The following MARCHF1 variants were observed in gnomAD, a reference collection of about 807,000 sequenced individuals.
The protein encoded by MARCHF1 is E3 ubiquitin-protein ligase MARCHF1.
MARCHF1 carries 40 observed loss-of-function variants against 54.2 expected under a neutral mutation model. The observed-to-expected ratio is 0.74, with a 90% CI of 0.57 to 0.96. MARCHF1 has a LOEUF of 0.96. Among genes scored for constraint, MARCHF1 ranks in the 40% least tolerant of loss-of-function variants. The pLI is 0.00. For synonymous variants in MARCHF1, 236 were observed against 236.3 expected (o/e 1.00, Z 0.01); for missense variants, 586 against 656.5 (o/e 0.89, Z 1.17).
chr4:164,158,438 C>T (rs1254190998), intron 1 of MARCHF1, among the ~76,000 whole-genome samples: 4 of 151,968 alleles, frequency 2.6e-5, no homozygotes, highest in Non-Finnish European at 5.9e-5. Context: ...GTCAGGAGTT[C>T]GAGACCAGCC....
chr4:164,145,422 A>G (rs922624888), intron 1 of MARCHF1, among the ~76,000 whole-genome samples: 4 of 152,108 alleles, frequency 2.6e-5, no homozygotes, highest in Admixed American at 6.5e-5. Flanking sequence ...AAAAATCCTC[A>G]GTATAATACT....
At chr4:163,983,833 G>C (rs1451659944) in intron 3 of MARCHF1, among the ~76,000 whole-genome samples, 1 of 152,076 alleles carries the variant, frequency 6.6e-6, no homozygotes, top group East Asian at 1.9e-4. Context: ...AAAAGGTTAA[G>C]TTGTCTTAAC....
intron 1 of MARCHF1, among the ~76,000 whole-genome samples, chr4:164,362,036 CTTCA>C (rs1730735528): frequency 6.6e-6 from 1 of 151,962 alleles, no homozygotes; most frequent in African/African-American, 2.4e-5. Context: ...AAGGTTGACT[CTTCA>C]TTCATATTTT....
chr4:163,947,074 T>C (rs1579413775), intron 3 of MARCHF1, among the ~76,000 whole-genome samples: 1 of 152,196 alleles, frequency 6.6e-6, no homozygotes, highest in African/African-American at 2.4e-5. Context: ...TATTTGAATA[T>C]TTTTGACTCA....
chr4:164,100,058 C>G (rs1037097111), intron 2 of MARCHF1, among the ~76,000 whole-genome samples: 2 of 152,118 alleles, frequency 1.3e-5, no homozygotes, highest in African/African-American at 2.4e-5. Context: ...TGACAAGAAA[C>G]TGAATTTTCC....
intron 7 of MARCHF1, among the ~76,000 whole-genome samples, chr4:163,610,830 T>C (rs1475004487): frequency 2.0e-5 from 3 of 151,936 alleles, no homozygotes; most frequent in African/African-American, 7.3e-5. Flanking sequence ...CTACCACCCA[T>C]CCCCCTATTC....
chr4:164,292,305 T>C (rs1013152227), intron 1 of MARCHF1, among the ~76,000 whole-genome samples: 8 of 152,148 alleles, frequency 5.3e-5, no homozygotes, highest in Admixed American at 5.2e-4. Context: ...TGAAACACTT[T>C]GCAATTCAAA....
At chr4:164,146,215 A>C (rs1176113922) in intron 1 of MARCHF1, among the ~76,000 whole-genome samples, 3 of 147,186 alleles carry the variant, frequency 2.0e-5, no homozygotes, top group Non-Finnish European at 4.5e-5. Context: ...CATGGGTAGG[A>C]AGAATCAATA....
At chr4:163,658,108 C>A (rs1452350701) in intron 5 of MARCHF1, among the ~76,000 whole-genome samples, 2 of 151,810 alleles carry the variant, frequency 1.3e-5, no homozygotes, top group Admixed American at 6.6e-5. Context: ...ATCATCAGAG[C>A]AAACAGGCAA....
intron 3 of MARCHF1, among the ~76,000 whole-genome samples, chr4:163,885,235 C>T (rs74468158): frequency 0.035 from 5,287 of 152,186 alleles, 114 homozygotes; most frequent in Middle Eastern, 0.1. Flanking sequence ...GATGGGTGAC[C>T]ACCTCACTCA....
In MARCHF1 at chr4:164,109,574, A is replaced by G. The variant is rs112553435; in HGVS notation, c.-248+2014T>C. ...GAGACATGATTACTGAAAATTCTTC[A>G]TCATAATTTTTATTTCTCCTTGCAC... On this transcript the variant is annotated intron_variant, in intron 2 of 9. Coordinates refer to ENST00000514618, the MANE Select transcript of MARCHF1 (RefSeq NM_001394959.1). 8.5e-3 allele frequency among the ~76,000 whole-genome samples: 1,293 copies of G among 151,886 alleles called. 20 individuals are homozygous for G. Among genetic ancestry groups the G allele is most frequent in the East Asian group, 0.051 (261 of 5,166 alleles).
At chr4:163,529,100 G>T in intron 9 of MARCHF1, 54 bp from the exon 10 acceptor site, 2 of 1,433,520 alleles carry the variant, frequency 1.4e-6, no homozygotes, top group Non-Finnish European at 1.9e-6. Context: ...AGTGGATTTG[G>T]TCATTTTTTT....
chr4:163,686,371 A>T (rs1156841157), intron 5 of MARCHF1, among the ~76,000 whole-genome samples: 2 of 151,630 alleles, frequency 1.3e-5, no homozygotes, highest in Admixed American at 6.6e-5. Context: ...TGGGGTTCAC[A>T]TGGGAGTGAA....
chr4:164,361,760 TA>T (rs1390902785), intron 1 of MARCHF1, among the ~76,000 whole-genome samples: 1 of 152,182 alleles, frequency 6.6e-6, no homozygotes, highest in Non-Finnish European at 1.5e-5. Flanking sequence ...GATAACTTAC[TA>T]AGGAAGGACT....
chr4:163,662,165 T>C (rs1158847001), intron 5 of MARCHF1, among the ~76,000 whole-genome samples: 2 of 152,060 alleles, frequency 1.3e-5, no homozygotes, highest in Admixed American at 1.3e-4. Flanking sequence ...CTGGAAATTA[T>C]GTCTTTAAGT....
chr4:164,046,224 T>C (rs1447081083), intron 2 of MARCHF1, among the ~76,000 whole-genome samples: 2 of 152,238 alleles, frequency 1.3e-5, no homozygotes, highest in South Asian at 2.1e-4. Context: ...CTTTACCTAC[T>C]GGACTGTCAA....
At chr4:164,075,034 C>A (rs914386437) in intron 2 of MARCHF1, among the ~76,000 whole-genome samples, 3 of 151,976 alleles carry the variant, frequency 2.0e-5, no homozygotes, top group African/African-American at 7.2e-5. Flanking sequence ...TGACATCTGC[C>A]TTAAATGATA....
intron 1 of MARCHF1, among the ~76,000 whole-genome samples, chr4:164,231,307 C>A (rs112947243): frequency 6.6e-6 from 1 of 152,148 alleles, no homozygotes; most frequent in Non-Finnish European, 1.5e-5. Context: ...TTATTCCTGA[C>A]AATCAAAATA....
intron 4 of MARCHF1, among the ~76,000 whole-genome samples, chr4:163,779,127 C>T (rs1325381814): frequency 6.6e-6 from 1 of 152,144 alleles, no homozygotes; most frequent in Non-Finnish European, 1.5e-5. Flanking sequence ...ATGAAATATG[C>T]TACATGGAGA....
Sources: gnomAD v4.1 joint callset for allele counts (sites outside exome capture counted in the v4.1 genomes callset) on GRCh38, gnomAD v4.1.1 for gene constraint, MANE v1.5 for transcripts, NCBI Gene and HGNC (gene_info 2026-07-23, HGNC 2026-07-21) for gene names.